JAZF1: variants seen among roughly 807,000 people sequenced by gnomAD.
The protein encoded by JAZF1 is JAZF zinc finger 1.
In JAZF1, 8 loss-of-function variants were observed where a neutral mutation model predicts 26.4. That is an observed-to-expected ratio of 0.30 (90% CI 0.18 to 0.55). The LOEUF is 0.55. Ranked by LOEUF, JAZF1 falls within the 20% of genes least tolerant of loss-of-function variation. The pLI is 0.94. For synonymous variants in JAZF1, 126 were observed against 122.3 expected (o/e 1.03, Z -0.20); for missense variants, 199 against 322.0 (o/e 0.62, Z 2.92).
chr7:27,893,312 C>A (rs985639564), intron 3 of JAZF1, among the ~76,000 whole-genome samples: 2 of 152,182 alleles, frequency 1.3e-5, no homozygotes, highest in African/African-American at 4.8e-5. Context: ...CAGAGAAATA[C>A]GTAAACTGTC....
At chr7:28,132,582 G>A (rs986513582) in intron 1 of JAZF1, among the ~76,000 whole-genome samples, 2 of 152,146 alleles carry the variant, frequency 1.3e-5, no homozygotes, top group African/African-American at 4.8e-5. Context: ...GCAATTTCCA[G>A]CCATAATTTT....
chr7:27,934,845 C>T (rs1784742864), intron 2 of JAZF1, among the ~76,000 whole-genome samples: 2 of 152,132 alleles, frequency 1.3e-5, no homozygotes, highest in Non-Finnish European at 2.9e-5. Context: ...AAAGAAAAAA[C>T]TAGATAATTA....
chr7:27,975,247 G>A (rs189922904), intron 2 of JAZF1, among the ~76,000 whole-genome samples: 14 of 152,094 alleles, frequency 9.2e-5, no homozygotes, highest in African/African-American at 3.4e-4. Flanking sequence ...TTAAGGGCAG[G>A]AGCAAGAGGA....
chr7:28,103,213 C>T (rs1583561582), intron 1 of JAZF1, among the ~76,000 whole-genome samples: 1 of 152,160 alleles, frequency 6.6e-6, no homozygotes, highest in South Asian at 2.1e-4. Context: ...TGTTTTAATG[C>T]CCACCATTCC....
At chr7:27,857,372 C>G (rs770632268) in intron 3 of JAZF1, among the ~76,000 whole-genome samples, 1 of 152,196 alleles carries the variant, frequency 6.6e-6, no homozygotes, top group Non-Finnish European at 1.5e-5. Flanking sequence ...CCCACAGCCC[C>G]GGTTCCCACC....
chr7:27,924,297 T>C (rs1163919270), intron 2 of JAZF1, among the ~76,000 whole-genome samples: 1 of 152,136 alleles, frequency 6.6e-6, no homozygotes, highest in Non-Finnish European at 1.5e-5. Flanking sequence ...AGGCTGCTCT[T>C]GAACTCCTGA....
chr7:28,106,963 G>C (rs1427388126), intron 1 of JAZF1, among the ~76,000 whole-genome samples: 1 of 152,158 alleles, frequency 6.6e-6, no homozygotes, highest in African/African-American at 2.4e-5. Context: ...GGACTGCCTT[G>C]GTTCCTCACA....
At chr7:27,881,022 C>T (rs766864594) in intron 3 of JAZF1, among the ~76,000 whole-genome samples, 32 of 152,296 alleles carry the variant, frequency 2.1e-4, no homozygotes, top group Admixed American at 4.6e-4. Context: ...GTATTAGTTA[C>T]CAAAGGTTTA....
intron 1 of JAZF1, among the ~76,000 whole-genome samples, chr7:28,066,602 CAAAAAAAA>C (rs911062551): frequency 3.1e-5 from 1 of 31,784 alleles, no homozygotes; most frequent in African/African-American, 1.0e-4. Context: ...GACTCCATCT[CAAAAAAAA>C]AAAAAAAAAA....
intron 1 of JAZF1, among the ~76,000 whole-genome samples, chr7:28,070,514 G>A (rs1783959330): frequency 6.6e-6 from 1 of 152,208 alleles, no homozygotes; most frequent in Non-Finnish European, 1.5e-5. Context: ...AGATGTTTCT[G>A]CAAAATTTTC....
At chr7:28,128,046 A>G (rs369772547) in intron 1 of JAZF1, among the ~76,000 whole-genome samples, 30 of 152,244 alleles carry the variant, frequency 2.0e-4, no homozygotes, top group African/African-American at 7.0e-4. Context: ...CAATTACAAA[A>G]AAGAGATATC....
intron 3 of JAZF1, among the ~76,000 whole-genome samples, chr7:27,856,494 C>A (rs1783257237): frequency 6.6e-6 from 1 of 152,220 alleles, no homozygotes; most frequent in Non-Finnish European, 1.5e-5. Context: ...TGCTTTTATT[C>A]TCTTATCTGG....
intron 1 of JAZF1, among the ~76,000 whole-genome samples, chr7:28,070,219 A>T (rs188992239): frequency 5.9e-5 from 9 of 152,240 alleles, no homozygotes; most frequent in Non-Finnish European, 8.8e-5. Context: ...TGTTTAGAGA[A>T]ATTTTTCTTT....
At chr7:28,080,439 T>C (rs1784116440) in intron 1 of JAZF1, among the ~76,000 whole-genome samples, 1 of 152,234 alleles carries the variant, frequency 6.6e-6, no homozygotes, top group Non-Finnish European at 1.5e-5. Flanking sequence ...CCTCAAGAAC[T>C]TTTTCCTTGC....
rs565266987 is a variant in JAZF1, at chr7:27,904,512, A to G, written c.189-9096T>C. 4.6e-5 allele frequency among the ~76,000 whole-genome samples: 7 copies of G among 152,320 alleles called. No individual in the cohort carries two copies. The South Asian group carries it at 1.2e-3, about 27-fold the overall frequency. ...AATGTACTTTTCAGTAGAAAAGAGAAAATCTGGATTTCCAAATAACATTAA... is the reference window on the plus strand; with the variant it reads ...AATGTACTTTTCAGTAGAAAAGAGAGAATCTGGATTTCCAAATAACATTAA... On this transcript the variant is annotated intron_variant, in intron 2 of 4. Coordinates refer to ENST00000283928, the MANE Select transcript of JAZF1 (RefSeq NM_175061.4).
chr7:28,013,469 G>T (rs906257904), intron 1 of JAZF1, among the ~76,000 whole-genome samples: 4 of 152,198 alleles, frequency 2.6e-5, no homozygotes, highest in African/African-American at 4.8e-5. Flanking sequence ...GCGGGGGTTG[G>T]GGGGGTAGGG....
At chr7:27,944,302 G>C (rs1784896296) in intron 2 of JAZF1, among the ~76,000 whole-genome samples, 1 of 152,200 alleles carries the variant, frequency 6.6e-6, no homozygotes, top group African/African-American at 2.4e-5. Context: ...AAAAAGTGTG[G>C]CTCAAAGGCT....
At chr7:27,919,613 C>G (rs1410494743) in intron 2 of JAZF1, among the ~76,000 whole-genome samples, 1 of 152,044 alleles carries the variant, frequency 6.6e-6, no homozygotes, top group African/African-American at 2.4e-5. Flanking sequence ...TATTTATAAT[C>G]AATACAATAG....
chr7:27,943,553 A>G (rs1784881241), intron 2 of JAZF1, among the ~76,000 whole-genome samples: 2 of 152,276 alleles, frequency 1.3e-5, no homozygotes, highest in South Asian at 4.1e-4. Flanking sequence ...TCCACAGATG[A>G]TCTCAAATTA....
Sources: gnomAD v4.1 joint callset for allele counts (sites outside exome capture counted in the v4.1 genomes callset) on GRCh38, gnomAD v4.1.1 for gene constraint, MANE v1.5 for transcripts, NCBI Gene and HGNC (gene_info 2026-07-23, HGNC 2026-07-21) for gene names.